SGMS2: variants seen among roughly 807,000 people sequenced by gnomAD.
SGMS2 encodes the protein sphingomyelin synthase 2.
SGMS2 carries 21 observed loss-of-function variants against 43.8 expected under a neutral mutation model. The observed-to-expected ratio is 0.48, with a 90% CI of 0.34 to 0.69. The LOEUF (loss-of-function observed/expected upper bound fraction) is 0.69, where lower values mean the gene tolerates loss of function less well. SGMS2 is among the 30% of genes least tolerant of loss of function. The pLI is 0.01. For synonymous variants in SGMS2, 167 were observed against 160.6 expected (o/e 1.04, Z -0.30); for missense variants, 384 against 443.2 (o/e 0.87, Z 1.20).
chr4:107,860,204 G>GT (rs908182656), intron 2 of SGMS2, among the ~76,000 whole-genome samples: 2 of 151,766 alleles, frequency 1.3e-5, no homozygotes, highest in African/African-American at 2.4e-5. Context: ...TGCAATGTAT[G>GT]TTTTTTTTCC....
At position 107,890,811 on chromosome 4, in the gene SGMS2, T is replaced by C. The variant is rs1252102399; in HGVS notation, c.-244-4499T>C. 2.6e-5 allele frequency among the ~76,000 whole-genome samples: 4 copies of C among 152,084 alleles called. No individual in the cohort carries two copies. The East Asian group carries it at 7.7e-4, about 29-fold the overall frequency. On this transcript the variant is annotated intron_variant, in intron 2 of 6. Transcript: ENST00000690982. ...TTTTCAATTAAGCTGACTTTAACCA[T>C]TAAGTTCCTTTAAAAAAACAACTCT... is the stretch of plus-strand genomic sequence containing the variant.
intron 5 of SGMS2, 29 bp from the exon 6 acceptor site, chr4:107,908,536 A>T (rs777355774): frequency 6.2e-7 from 1 of 1,600,182 alleles, no homozygotes; most frequent in Non-Finnish European, 8.5e-7. Flanking sequence ...TGGGAATCTT[A>T]TTAACTCTGT....
chr4:107,883,391 T>C (rs1729508409), intron 2 of SGMS2, among the ~76,000 whole-genome samples: 1 of 152,234 alleles, frequency 6.6e-6, no homozygotes, highest in Non-Finnish European at 1.5e-5. Flanking sequence ...CTCAGCTCAC[T>C]GCAACCTCTG....
chr4:107,910,547 G>A lies in SGMS2; in HGVS notation c.1092G>A (p.Ser364=), dbSNP rs182391133. ...VQKIGEDNEK[S]T ...AGATTGGTGAAGACAATGAGAAATCGACCTGAGGAGCAAAACAAAGGCATC... is the reference window on the plus strand; with the variant it reads ...AGATTGGTGAAGACAATGAGAAATCAACCTGAGGAGCAAAACAAAGGCATC... The change falls in exon 7 of 7, where the codon TCG becomes TCA. Residue 364 remains serine, a synonymous_variant. Transcript: ENST00000690982. 1.0e-4 allele frequency: 168 copies of A among 1,613,712 alleles called. No individual in the cohort carries two copies. Among genetic ancestry groups the A allele is most frequent in the East Asian group, 8.0e-4 (36 of 44,812 alleles).
intron 1 of SGMS2, among the ~76,000 whole-genome samples, chr4:107,856,442 G>A (rs1261282511): frequency 3.9e-5 from 6 of 152,136 alleles, no homozygotes; most frequent in Non-Finnish European, 7.3e-5. Flanking sequence ...GTTTGGCTAC[G>A]TAACTGAATA....
chr4:107,874,946 C>T (rs1299919590), intron 2 of SGMS2, among the ~76,000 whole-genome samples: 5 of 152,120 alleles, frequency 3.3e-5, no homozygotes, highest in Non-Finnish European at 7.4e-5. Flanking sequence ...TTTGCAGAAG[C>T]CAATCTCTGA....
intron 1 of SGMS2, among the ~76,000 whole-genome samples, chr4:107,833,150 A>T (rs906475746): frequency 4.6e-5 from 7 of 152,204 alleles, no homozygotes; most frequent in African/African-American, 1.7e-4. Context: ...GCATTCTCCC[A>T]TCCCCCACTC....
At chr4:107,880,645 C>G (rs2126081013) in intron 2 of SGMS2, among the ~76,000 whole-genome samples, 1 of 152,002 alleles carries the variant, frequency 6.6e-6, no homozygotes, top group South Asian at 2.1e-4. Context: ...TACTTGAGGC[C>G]AGAGGTTCGA....
chr4:107,863,016 A>G (rs1387257055), intron 2 of SGMS2, among the ~76,000 whole-genome samples: 1 of 152,204 alleles, frequency 6.6e-6, no homozygotes, highest in Admixed American at 6.5e-5. Context: ...GTTTGGAAGA[A>G]TGCCACCTTA....
chr4:107,904,541 A>G (rs1436605150), intron 5 of SGMS2, among the ~76,000 whole-genome samples: 1 of 152,238 alleles, frequency 6.6e-6, no homozygotes, highest in African/African-American at 2.4e-5. Flanking sequence ...GATGAAGTCA[A>G]GTCTTTTTTG....
At chr4:107,830,518 C>G (rs1725833287) in intron 1 of SGMS2, among the ~76,000 whole-genome samples, 1 of 152,132 alleles carries the variant, frequency 6.6e-6, no homozygotes, top group African/African-American at 2.4e-5. Context: ...ATAAGTGTTC[C>G]CTTTTCTCTG....
Position 107,908,601 on chromosome 4 carries a change from G to T in SGMS2, c.764G>T (p.Cys255Phe). The change falls in exon 6 of 7, where the codon TGC (cysteine) becomes TTC (phenylalanine). Residue 255 changes from cysteine to phenylalanine, a missense_variant. Coordinates refer to ENST00000690982, the MANE Select transcript of SGMS2 (RefSeq NM_001375905.1). ...PRHFWWYHLICWLLSAAGIIC... is the reference protein window; with the variant it reads ...PRHFWWYHLIFWLLSAAGIIC... ...CACTTCTGGTGGTATCATTTAATCTGCTGGCTGCTGAGTGCTGCCGGGATC... is the reference window on the plus strand; with the variant it reads ...CACTTCTGGTGGTATCATTTAATCTTCTGGCTGCTGAGTGCTGCCGGGATC... 1 of 1,613,994 alleles carries T rather than the reference G, an allele frequency of 6.2e-7. No individual in the cohort carries two copies. The highest frequency in any genetic ancestry group is 1.3e-5 in the African/African-American group (1 of 75,024).
At chr4:107,886,364 ATTTTTTTTTTTT>A (rs67228519) in intron 2 of SGMS2, among the ~76,000 whole-genome samples, 2 of 106,266 alleles carry the variant, frequency 1.9e-5, no homozygotes, top group African/African-American at 3.8e-5. Flanking sequence ...CACCCAGCTA[ATTTTTTTTTTTT>A]TTTTTTTTTT....
rs141916769 is a variant in SGMS2, at chr4:107,827,752, G to A, written c.-327+2499G>A. Among the ~76,000 whole-genome samples the A allele has an allele frequency of 9.7e-3, 1,482 of 152,240 alleles. 10 individuals carry two copies. The highest frequency in any genetic ancestry group is 0.013 in the Non-Finnish European group (884 of 68,020). On this transcript the variant is annotated intron_variant, in intron 1 of 6. Coordinates refer to ENST00000690982, the MANE Select transcript of SGMS2 (RefSeq NM_001375905.1). ...TGTAATTCCAGCACTTTGGGAGGCC[G>A]AGGCAGGCAGATCACTTGACGTCAG...
Position 107,874,882 on chromosome 4 carries a change from C to T in SGMS2, c.-245+16329C>T, listed in dbSNP as rs143840427. Among the ~76,000 whole-genome samples the T allele has an allele frequency of 3.1e-4, 47 of 152,178 alleles. 1 individual carries two copies. The highest frequency in any genetic ancestry group is 9.4e-4 in the African/African-American group (39 of 41,534). ...GTGAAGGGTTGGGTTGAGATATCTG[C>T]GTCCCTCTTCCTAGAGCCAAATTTG... On this transcript the variant is annotated intron_variant, in intron 2 of 6. Transcript: ENST00000690982.
intron 1 of SGMS2, among the ~76,000 whole-genome samples, chr4:107,853,137 T>G (rs1048177852): frequency 6.6e-6 from 1 of 152,152 alleles, no homozygotes; most frequent in Non-Finnish European, 1.5e-5. Context: ...TATAACAACT[T>G]TGTGTCATGA....
intron 1 of SGMS2, among the ~76,000 whole-genome samples, chr4:107,839,317 ACAACTTCC>A (rs1398250413): frequency 6.6e-6 from 1 of 152,018 alleles, no homozygotes; most frequent in Non-Finnish European, 1.5e-5. Flanking sequence ...GTTCTTTTTA[ACAACTTCC>A]CCCTGCTCCA....
chr4:107,852,852 A>G (rs1319805164), intron 1 of SGMS2, among the ~76,000 whole-genome samples: 2 of 152,116 alleles, frequency 1.3e-5, no homozygotes, highest in African/African-American at 2.4e-5. Flanking sequence ...ATATTTTACA[A>G]TAGCCCTGGA....
intron 3 of SGMS2, among the ~76,000 whole-genome samples, chr4:107,897,564 A>T (rs906030326): frequency 6.6e-6 from 1 of 152,146 alleles, no homozygotes; most frequent in African/African-American, 2.4e-5. Flanking sequence ...CCTGAAGTAC[A>T]GTCTTTCCCT....
Sources: allele counts gnomAD v4.1 joint callset (sites outside exome capture counted in the v4.1 genomes callset), GRCh38; gene constraint gnomAD v4.1.1; transcripts MANE v1.5; gene names NCBI Gene and HGNC (gene_info 2026-07-23, HGNC 2026-07-21).